The following RNF150 variants were observed in gnomAD, a reference collection of about 807,000 sequenced individuals.
RNF150 encodes the protein ring finger protein 150.
In RNF150, 24 loss-of-function variants were observed where a neutral mutation model predicts 39.3. The ratio of observed to expected loss-of-function variants is 0.61; its 90% CI spans 0.44 to 0.86. RNF150 has a LOEUF of 0.86. Ranked by LOEUF, RNF150 falls within the 40% of genes least tolerant of loss-of-function variation. The pLI, the probability that RNF150 is intolerant of heterozygous loss-of-function variation, is 0.00. For missense variants in RNF150, 502 were observed against 587.8 expected, an observed-to-expected ratio of 0.85 and a Z score of 1.51; for synonymous variants, 255 against 227.3, an observed-to-expected ratio of 1.12 and a Z score of -1.10.
chr4:140,989,508 G>T (rs1734123649), intron 1 of RNF150, among the ~76,000 whole-genome samples: 2 of 152,114 alleles, frequency 1.3e-5, no homozygotes, highest in African/African-American at 4.8e-5. Context: ...AAGAGAGTGG[G>T]TGGCAGCCTA....
At chr4:141,179,662 T>C (rs753412007) in intron 1 of RNF150, among the ~76,000 whole-genome samples, 29 of 152,316 alleles carry the variant, frequency 1.9e-4, no homozygotes, top group Middle Eastern at 3.4e-3. Flanking sequence ...GACAGAAATC[T>C]GGTTAAGGGC....
chr4:140,889,180 G>A (rs1010161310), intron 6 of RNF150, among the ~76,000 whole-genome samples: 2 of 152,110 alleles, frequency 1.3e-5, no homozygotes, highest in South Asian at 2.1e-4. Flanking sequence ...ACTGTGCCTG[G>A]CTTAAACAAT....
At position 140,865,986 on chromosome 4, in the gene RNF150, T is replaced by C. The variant is rs1416717395; in HGVS notation, c.*2275A>G. 1.3e-5 allele frequency: 2 copies of C among 152,014 alleles called. No individual in the cohort carries two copies. The highest frequency in any genetic ancestry group is 2.9e-5 in the Non-Finnish European group (2 of 68,026). 9.4% of individuals were successfully genotyped at this position (152,014 alleles called of 1,614,324 possible). On this transcript the variant is annotated 3_prime_UTR_variant, in exon 7 of 7. Coordinates refer to ENST00000515673, the MANE Select transcript of RNF150 (RefSeq NM_020724.2). Reference sequence around the variant, plus strand: ...AGGAGTCAGTGGCGCAAGCCTATGCTGACTGTGAAAAATAAACACCTCTGA... The same window carrying C: ...AGGAGTCAGTGGCGCAAGCCTATGCCGACTGTGAAAAATAAACACCTCTGA...
At chr4:140,951,138 G>A (rs1732523355) in intron 2 of RNF150, among the ~76,000 whole-genome samples, 1 of 152,114 alleles carries the variant, frequency 6.6e-6, no homozygotes, top group Non-Finnish European at 1.5e-5. Context: ...TATCCAACAA[G>A]ATCCCTCTCA....
intron 6 of RNF150, among the ~76,000 whole-genome samples, chr4:140,905,767 T>C (rs981668211): frequency 7.6e-6 from 1 of 131,888 alleles, no homozygotes; most frequent in Non-Finnish European, 1.7e-5. Flanking sequence ...CTCAGTCTCC[T>C]TCCTGCCTGC....
In RNF150 at chr4:140,867,482, C is replaced by T. The variant is rs1448594982; in HGVS notation, c.*779G>A. The T allele has an allele frequency of 3.9e-5, 6 of 152,140 alleles. No homozygotes were observed. Among genetic ancestry groups the T allele is most frequent in the African/African-American group, 1.2e-4 (5 of 41,428 alleles). 9.4% of individuals were successfully genotyped at this position (152,140 alleles called of 1,614,324 possible). On this transcript the variant is annotated 3_prime_UTR_variant, in exon 7 of 7. Transcript: ENST00000515673. ...GACTGTAAGACCCAGAAGAATGAAA[C>T]GGCTTCCCTAGAGCTCCCTTCTCAT...
intron 1 of RNF150, among the ~76,000 whole-genome samples, chr4:141,101,047 T>C (rs574478441): frequency 3.3e-4 from 51 of 152,338 alleles, no homozygotes; most frequent in Middle Eastern, 3.4e-3. Flanking sequence ...TACTATACAC[T>C]ATTGCAGGCT....
At chr4:140,930,513 A>G (rs1544865) in intron 4 of RNF150, among the ~76,000 whole-genome samples, 149,622 of 152,294 alleles carry the variant, frequency 0.98, 73,561 homozygotes, top group East Asian at 1. Flanking sequence ...CTGATGCTCA[A>G]GAAACATTTG....
chr4:141,078,858 T>TATATATATACAC (rs1243668794), intron 1 of RNF150, among the ~76,000 whole-genome samples: 2 of 140,616 alleles, frequency 1.4e-5, no homozygotes, highest in African/African-American at 5.4e-5. Flanking sequence ...CATACATACA[T>TATATATATACAC]ACATATATAT....
At chr4:141,007,329 C>T (rs940252970) in intron 1 of RNF150, among the ~76,000 whole-genome samples, 1 of 152,190 alleles carries the variant, frequency 6.6e-6, no homozygotes, top group African/African-American at 2.4e-5. Flanking sequence ...GAAAGGCCAC[C>T]AGGCAAGGCT....
In RNF150 at chr4:140,864,331, T is replaced by C. The variant is rs1261084085; in HGVS notation, c.*3930A>G. On this transcript the variant is annotated 3_prime_UTR_variant, in exon 7 of 7. Transcript: ENST00000515673. ...TTAAGTCAATGTTCAAAAGCTGTAT[T>C]CATAGTCAGGGCTCAGCTCTTCCAA... 2 of 152,170 alleles carry C rather than the reference T, an allele frequency of 1.3e-5. No homozygotes were observed. The highest frequency in any genetic ancestry group is 1.5e-5 in the Non-Finnish European group (1 of 68,070). The allele number at this position is 152,170 out of a possible 1,614,324, so 9.4% of individuals were successfully genotyped here.
At chr4:141,171,306 C>T (rs1033473728) in intron 1 of RNF150, among the ~76,000 whole-genome samples, 1 of 152,132 alleles carries the variant, frequency 6.6e-6, no homozygotes, top group Admixed American at 6.5e-5. Flanking sequence ...ACAGCCACAC[C>T]TCTTGGGAGA....
At chr4:141,190,731 C>T (rs1350205331) in intron 1 of RNF150, among the ~76,000 whole-genome samples, 1 of 152,186 alleles carries the variant, frequency 6.6e-6, no homozygotes, top group Non-Finnish European at 1.5e-5. Context: ...CTGAAGTATT[C>T]ATACATTTAA....
At chr4:141,159,121 T>G (rs1412750075) in intron 1 of RNF150, among the ~76,000 whole-genome samples, 1 of 152,222 alleles carries the variant, frequency 6.6e-6, no homozygotes, top group African/African-American at 2.4e-5. Context: ...CTGGTATTAT[T>G]TTGGTTAACA....
intron 1 of RNF150, among the ~76,000 whole-genome samples, chr4:141,078,382 A>G (rs1737984431): frequency 6.6e-6 from 1 of 152,142 alleles, no homozygotes; most frequent in African/African-American, 2.4e-5. Flanking sequence ...CTCCATTTAC[A>G]TGCTTCTCTG....
chr4:141,091,166 C>T (rs536075885), intron 1 of RNF150, among the ~76,000 whole-genome samples: 6 of 152,264 alleles, frequency 3.9e-5, no homozygotes, highest in South Asian at 2.1e-4. Flanking sequence ...AATGTAGCTT[C>T]GAGCAATTTT....
At chr4:141,065,082 C>G (rs2110929880) in intron 1 of RNF150, among the ~76,000 whole-genome samples, 1 of 152,310 alleles carries the variant, frequency 6.6e-6, no homozygotes, top group South Asian at 2.1e-4. Flanking sequence ...TCAGGCTGAT[C>G]TTGATCTCCT....
chr4:141,118,762 GTGAT>G (rs1029660850), intron 1 of RNF150, among the ~76,000 whole-genome samples: 36 of 152,060 alleles, frequency 2.4e-4, no homozygotes, highest in African/African-American at 8.7e-4. Context: ...GATTGAGTGA[GTGAT>G]TGATTGATTT....
At chr4:140,904,396 A>G (rs1423951266) in intron 6 of RNF150, among the ~76,000 whole-genome samples, 1 of 152,238 alleles carries the variant, frequency 6.6e-6, no homozygotes. Context: ...CAAAGCAATC[A>G]TCTTTCCAGG....
Sources: allele counts gnomAD v4.1 joint callset (sites outside exome capture counted in the v4.1 genomes callset), GRCh38; gene constraint gnomAD v4.1.1; transcripts MANE v1.5; gene names NCBI Gene and HGNC (gene_info 2026-07-23, HGNC 2026-07-21).